KAT2B: variants seen among roughly 807,000 people sequenced by gnomAD.
KAT2B encodes the protein lysine acetyltransferase 2B.
A neutral mutation model predicts 105.9 loss-of-function variants in KAT2B; 36 were observed. The observed-to-expected ratio is 0.34, with a 90% CI of 0.26 to 0.45. The LOEUF is 0.45. KAT2B is among the 20% of genes least tolerant of loss of function. The pLI is 1.00. For synonymous variants in KAT2B, 397 were observed against 377.9 expected (o/e 1.05, Z -0.59); for missense variants, 820 against 1,021.6 (o/e 0.80, Z 2.69).
Position 20,147,856 on chromosome 3 carries a change from A to G in KAT2B, c.2120-107A>G. 24 of 996,464 alleles carry G rather than the reference A, an allele frequency of 2.4e-5. No homozygotes were observed. In the South Asian group the frequency reaches 3.5e-4, roughly 15 times the overall value. The allele number at this position is 996,464 out of a possible 1,614,324, so 61.7% of individuals were successfully genotyped here. On this transcript the variant is annotated intron_variant, in intron 14 of 17. Coordinates refer to ENST00000263754, the MANE Select transcript of KAT2B (RefSeq NM_003884.5). ...AATTTCAGTCGTCTCTCAGAAGTAG[A>G]CTTTTATTGTCATGCCTATAATTTC...
intron 1 of KAT2B, among the ~76,000 whole-genome samples, chr3:20,052,499 T>G (rs1697931960): frequency 2.0e-5 from 3 of 152,014 alleles, no homozygotes; most frequent in Admixed American, 2.0e-4. Flanking sequence ...TTGAATAAAT[T>G]GGTAATTTGA....
chr3:20,067,540 C>T (rs970151000), intron 1 of KAT2B, among the ~76,000 whole-genome samples: 1 of 152,164 alleles, frequency 6.6e-6, no homozygotes, highest in African/African-American at 2.4e-5. Flanking sequence ...ATCTCTAAAA[C>T]TCTGTGTTGT....
intron 4 of KAT2B, among the ~76,000 whole-genome samples, chr3:20,100,545 A>G (rs929418061): frequency 6.6e-6 from 1 of 152,194 alleles, no homozygotes; most frequent in African/African-American, 2.4e-5. Context: ...TGGCTAAACA[A>G]AAACACTCTG....
At chr3:20,119,565 A>C in intron 7 of KAT2B, 33 bp from the exon 8 acceptor site, 1 of 1,613,006 alleles carries the variant, frequency 6.2e-7, no homozygotes, top group Non-Finnish European at 8.5e-7. Context: ...GGAGTCAGTC[A>C]TCTAACACCT....
intron 10 of KAT2B, 38 bp from the exon 11 acceptor site, chr3:20,127,385 A>G (rs1490719372): frequency 6.3e-7 from 1 of 1,575,092 alleles, no homozygotes; most frequent in Non-Finnish European, 8.7e-7. Context: ...TTATATAACT[A>G]GGATAGGTAA....
intron 2 of KAT2B, among the ~76,000 whole-genome samples, chr3:20,089,224 T>A (rs1698671939): frequency 6.6e-6 from 1 of 152,198 alleles, no homozygotes; most frequent in Non-Finnish European, 1.5e-5. Flanking sequence ...CTTATGTAGT[T>A]CTGTACAGAT....
chr3:20,084,586 ATAAT>A (rs1418555129), intron 2 of KAT2B, among the ~76,000 whole-genome samples: 6 of 152,278 alleles, frequency 3.9e-5, no homozygotes, highest in Admixed American at 1.3e-4. Flanking sequence ...AAATAAATAA[ATAAT>A]TAATAAATGC....
chr3:20,152,306 TG>T, intron 17 of KAT2B, 25 bp from the exon 18 acceptor site: 1 of 1,573,856 alleles, frequency 6.4e-7, no homozygotes, highest in Non-Finnish European at 8.7e-7. Context: ...AGTCAAAGAT[TG>T]CTAATATTTT....
chr3:20,061,585 G>A (rs983149465), intron 1 of KAT2B, among the ~76,000 whole-genome samples: 8 of 151,680 alleles, frequency 5.3e-5, no homozygotes, highest in African/African-American at 1.9e-4. Flanking sequence ...ACCATTTTAC[G>A]TCTTCAGCAG....
At position 20,134,712 on chromosome 3, in the gene KAT2B, C is replaced by A. The variant is rs138846321; in HGVS notation, c.1750-2230C>A. Among the ~76,000 whole-genome samples the A allele has an allele frequency of 4.2e-3, 642 of 152,148 alleles. 2 individuals carry two copies. The highest frequency in any genetic ancestry group is 7.6e-3 in the Non-Finnish European group (520 of 67,978). ...GTGAGCCACTAGGATTATAGGCCAC[C>A]GCGCCCAGCCCACTATTGAAGATAC... On this transcript the variant is annotated intron_variant, in intron 11 of 17. Transcript: ENST00000263754.
rs572229020 is a variant in KAT2B at position 20,122,518 on chromosome 3, T to G, written c.1277-150T>G. On this transcript the variant is annotated intron_variant, in intron 8 of 17. Transcript: ENST00000263754. ...TATTGTGAGCTCACAATGGCTCTCTTTCCTGTCTTCCTTTGTCACCCCTTC... is the reference window on the plus strand; with the variant it reads ...TATTGTGAGCTCACAATGGCTCTCTGTCCTGTCTTCCTTTGTCACCCCTTC... The G allele has an allele frequency of 5.0e-4, 278 of 556,142 alleles. 2 individuals are homozygous for G. The highest frequency in any genetic ancestry group is 7.4e-4 in the Non-Finnish European group (234 of 315,746). The allele number at this position is 556,142 out of a possible 1,614,324, so 34.5% of individuals were successfully genotyped here.
Position 20,052,803 on chromosome 3 carries a change from A to T in KAT2B, c.303+12023A>T, listed in dbSNP as rs535444364. Among the ~76,000 whole-genome samples, 558 of 152,228 alleles carry T rather than the reference A, an allele frequency of 3.7e-3. 3 individuals carry two copies. Among genetic ancestry groups the T allele is most frequent in the African/African-American group, 0.013 (533 of 41,528 alleles). ...GCCAACATGGTGAAACCCCATGTCT[A>T]CTAAAAAAACAAAAAGACGAAAATT... On this transcript the variant is annotated intron_variant, in intron 1 of 17. Coordinates refer to ENST00000263754, the MANE Select transcript of KAT2B (RefSeq NM_003884.5).
rs968077306 is a variant in KAT2B at position 20,099,509 on chromosome 3, A to G, written c.577-353A>G. ...GGGTTGCATACCAGGCCTCTGGGTC[A>G]ATGGAAAGCCAGAAACAGTGGGGAG... On this transcript the variant is annotated intron_variant, in intron 3 of 17. Coordinates refer to ENST00000263754, the MANE Select transcript of KAT2B (RefSeq NM_003884.5). Among the ~76,000 whole-genome samples, 3 of 152,256 alleles carry G rather than the reference A, an allele frequency of 2.0e-5. No individual in the cohort carries two copies. The South Asian group carries it at 6.2e-4, about 32-fold the overall frequency.
At chr3:20,087,118 A>C (rs1403536657) in intron 2 of KAT2B, among the ~76,000 whole-genome samples, 4 of 152,168 alleles carry the variant, frequency 2.6e-5, no homozygotes, top group Admixed American at 6.5e-5. Context: ...GCTGGATAGG[A>C]AGAATGAGTT....
At chr3:20,103,992 G>A (rs1460761367) in intron 5 of KAT2B, among the ~76,000 whole-genome samples, 1 of 147,152 alleles carries the variant, frequency 6.8e-6, no homozygotes, top group East Asian at 1.9e-4. Flanking sequence ...CAGGTGCTGG[G>A]AAGATGCTCA....
chr3:20,044,113 C>T (rs1040405709), intron 1 of KAT2B, among the ~76,000 whole-genome samples: 2 of 151,736 alleles, frequency 1.3e-5, no homozygotes, highest in Admixed American at 1.3e-4. Flanking sequence ...AAACTTGTTT[C>T]GCAGGATCCA....
chr3:20,078,006 C>G, intron 2 of KAT2B, among the ~76,000 whole-genome samples: 1 of 151,994 alleles, frequency 6.6e-6, no homozygotes, highest in East Asian at 1.9e-4. Context: ...GAAACTCCAC[C>G]TCTACAAAAA....
At chr3:20,063,569 T>C (rs1698175595) in intron 1 of KAT2B, among the ~76,000 whole-genome samples, 1 of 117,678 alleles carries the variant, frequency 8.5e-6, no homozygotes, top group African/African-American at 3.1e-5. Context: ...TTTTTTGAGA[T>C]GGTTGCTCTG....
At chr3:20,082,496 A>T (rs7614744) in intron 2 of KAT2B, among the ~76,000 whole-genome samples, 4,231 of 152,262 alleles carry the variant, frequency 0.028, 174 homozygotes, top group African/African-American at 0.096. Context: ...CCACTCAAGA[A>T]TCACATATCT....
Sources: allele counts gnomAD v4.1 joint callset (sites outside exome capture counted in the v4.1 genomes callset), GRCh38; gene constraint gnomAD v4.1.1; transcripts MANE v1.5; gene names NCBI Gene and HGNC (gene_info 2026-07-23, HGNC 2026-07-21).